FSTL5: variants seen among roughly 807,000 people sequenced by gnomAD.
FSTL5 encodes the protein follistatin-related protein 5.
A neutral mutation model predicts 89.1 loss-of-function variants in FSTL5; 62 were observed. The observed-to-expected ratio is 0.70, with a 90% confidence interval of 0.57 to 0.86. FSTL5 has a LOEUF of 0.86. Among genes scored for constraint, FSTL5 ranks in the 40% least tolerant of loss-of-function variants. The pLI is 0.00. For synonymous variants in FSTL5, 383 were observed against 346.2 expected (o/e 1.11, Z -1.18); for missense variants, 1,057 against 1,001.6 (o/e 1.06, Z -0.75).
intron 3 of FSTL5, among the ~76,000 whole-genome samples, chr4:162,028,124 A>G (rs1057391463): frequency 2.6e-5 from 4 of 152,200 alleles, no homozygotes; most frequent in South Asian, 4.1e-4. Context: ...CTTGATTGAT[A>G]TTTTCAAGGA....
intron 6 of FSTL5, among the ~76,000 whole-genome samples, chr4:161,693,120 C>T (rs932751322): frequency 6.6e-6 from 1 of 152,178 alleles, no homozygotes; most frequent in Non-Finnish European, 1.5e-5. Context: ...CATGGCAGCT[C>T]TAACAAACCT....
chr4:161,520,293 C>A (rs943163452), intron 10 of FSTL5, among the ~76,000 whole-genome samples: 11 of 151,446 alleles, frequency 7.3e-5, no homozygotes, highest in Admixed American at 2.6e-4. Flanking sequence ...CTGAGCTCCT[C>A]ACTGTTTAAT....
chr4:161,750,973 A>G (rs915221607), intron 6 of FSTL5, among the ~76,000 whole-genome samples: 1 of 152,212 alleles, frequency 6.6e-6, no homozygotes, highest in African/African-American at 2.4e-5. Flanking sequence ...AAAAGCAAAT[A>G]CTTAAAAAAT....
intron 7 of FSTL5, among the ~76,000 whole-genome samples, chr4:161,636,097 A>G (rs1462269491): frequency 6.6e-6 from 1 of 152,072 alleles, no homozygotes; most frequent in Non-Finnish European, 1.5e-5. Context: ...CAGCAAAAAA[A>G]AAAAAAAATC....
At chr4:161,899,540 G>A (rs1733283952) in intron 4 of FSTL5, among the ~76,000 whole-genome samples, 1 of 152,168 alleles carries the variant, frequency 6.6e-6, no homozygotes, top group African/African-American at 2.4e-5. Flanking sequence ...CTGCCAGGGA[G>A]CTGCTCTATT....
intron 6 of FSTL5, among the ~76,000 whole-genome samples, chr4:161,683,406 G>C (rs1737594481): frequency 6.6e-6 from 1 of 152,066 alleles, no homozygotes; most frequent in African/African-American, 2.4e-5. Flanking sequence ...CATTAGATAT[G>C]TGATTTTGGA....
At chr4:161,679,178 A>C (rs1737429129) in intron 6 of FSTL5, among the ~76,000 whole-genome samples, 1 of 151,688 alleles carries the variant, frequency 6.6e-6, no homozygotes, top group Admixed American at 6.6e-5. Context: ...TTATAGGATA[A>C]AACTTAAAGA....
intron 15 of FSTL5, among the ~76,000 whole-genome samples, chr4:161,428,778 A>G (rs1029360499): frequency 6.6e-6 from 1 of 152,128 alleles, no homozygotes; most frequent in Non-Finnish European, 1.5e-5. Flanking sequence ...GCTGGCTTCA[A>G]GTGTGACGAA....
At chr4:162,067,813 C>A (rs1738968389) in intron 2 of FSTL5, among the ~76,000 whole-genome samples, 1 of 151,986 alleles carries the variant, frequency 6.6e-6, no homozygotes, top group South Asian at 2.1e-4. Context: ...ATTGTCTTAG[C>A]CCAAAAGCAT....
intron 6 of FSTL5, among the ~76,000 whole-genome samples, chr4:161,748,295 T>A (rs763265398): frequency 6.6e-6 from 1 of 152,172 alleles, no homozygotes; most frequent in Non-Finnish European, 1.5e-5. Flanking sequence ...TGAATTACTA[T>A]GACATGTTAA....
intron 2 of FSTL5, among the ~76,000 whole-genome samples, chr4:162,093,982 C>T (rs895615864): frequency 2.0e-5 from 3 of 152,018 alleles, no homozygotes; most frequent in African/African-American, 4.8e-5. Flanking sequence ...CACATCTCAT[C>T]GTTTCTAGGT....
intron 4 of FSTL5, among the ~76,000 whole-genome samples, chr4:161,818,123 C>A (rs575141553): frequency 1.3e-3 from 195 of 152,284 alleles, no homozygotes; most frequent in African/African-American, 4.3e-3. Context: ...AGCGGAGGAA[C>A]ACACAGGCAG....
chr4:161,446,425 T>C (rs1732948890), intron 15 of FSTL5, among the ~76,000 whole-genome samples: 1 of 152,096 alleles, frequency 6.6e-6, no homozygotes. Context: ...TGTTAAGTTA[T>C]ATACTCCTGT....
At chr4:162,082,002 G>A (rs1239737824) in intron 2 of FSTL5, among the ~76,000 whole-genome samples, 3 of 151,470 alleles carry the variant, frequency 2.0e-5, no homozygotes, top group Admixed American at 6.6e-5. Context: ...TGATTCCAAC[G>A]TTTAAAAATT....
intron 13 of FSTL5, among the ~76,000 whole-genome samples, chr4:161,475,536 AC>A (rs1395403133): frequency 6.6e-6 from 1 of 151,924 alleles, no homozygotes; most frequent in Admixed American, 6.6e-5. Flanking sequence ...GCTTTGGAAT[AC>A]CTCCAGTACA....
intron 4 of FSTL5, among the ~76,000 whole-genome samples, chr4:161,830,913 A>T (rs1172673584): frequency 6.6e-6 from 1 of 151,962 alleles, no homozygotes; most frequent in East Asian, 1.9e-4. Flanking sequence ...AGGATTCTGC[A>T]TTGTTATTTT....
chr4:161,640,925 T>C (rs974310908), intron 7 of FSTL5, among the ~76,000 whole-genome samples: 6 of 149,210 alleles, frequency 4.0e-5, no homozygotes, highest in Non-Finnish European at 8.8e-5. Context: ...ATGAATCACA[T>C]ACAAGAGATC....
chr4:161,566,100 C>CTATATA (rs59511238), intron 8 of FSTL5, among the ~76,000 whole-genome samples: 1,997 of 53,200 alleles, frequency 0.038, 151 homozygotes, highest in South Asian at 0.052. Context: ...TTTTTTTGGA[C>CTATATA]TATATATATA....
At chr4:161,413,927 G>A (rs887148657) in intron 15 of FSTL5, among the ~76,000 whole-genome samples, 1 of 152,130 alleles carries the variant, frequency 6.6e-6, no homozygotes, top group Non-Finnish European at 1.5e-5. Context: ...AAAAGGTGGA[G>A]GGCGGGAGAG....
Sources: allele counts gnomAD v4.1 joint callset (sites outside exome capture counted in the v4.1 genomes callset), GRCh38; gene constraint gnomAD v4.1.1; transcripts MANE v1.5; gene names NCBI Gene and HGNC (gene_info 2026-07-23, HGNC 2026-07-21).